Variants in NFAT5 observed in about 807,000 individuals in gnomAD.
The protein encoded by NFAT5 is nuclear factor of activated T-cells 5.
Under a neutral mutation model 166.5 loss-of-function variants are expected in NFAT5, and 31 were observed. The ratio of observed to expected loss-of-function variants is 0.19; its 90% CI spans 0.14 to 0.25. The LOEUF is 0.25. Among genes scored for constraint, NFAT5 ranks in the 10% least tolerant of loss-of-function variants. The pLI, the probability that NFAT5 is intolerant of heterozygous loss-of-function variation, is 1.00. For missense variants in NFAT5, 1,449 were observed against 1,821.8 expected (o/e 0.80, Z 3.72); for synonymous variants, 612 against 639.7 (o/e 0.96, Z 0.65).
At chr16:69,684,143 C>G (rs1331356859) in intron 10 of NFAT5, among the ~76,000 whole-genome samples, 1 of 151,498 alleles carries the variant, frequency 6.6e-6, no homozygotes, top group Non-Finnish European at 1.5e-5. Flanking sequence ...CCTGAAATCC[C>G]AGCTACTCAA....
At position 69,696,340 on chromosome 16, in the gene NFAT5, A is replaced by G. The variant is rs554433515; in HGVS notation, c.*9-20A>G. On this transcript the variant is annotated intron_variant, in intron 14 of 14. Transcript: ENST00000349945. Reference sequence around the variant, plus strand: ...GCTTCCCTCCCTAGTAAGTTAAATTAAACTTTTTCTCTTTTTTAGAAATTC... The same window carrying G: ...GCTTCCCTCCCTAGTAAGTTAAATTGAACTTTTTCTCTTTTTTAGAAATTC... 6.6e-6 allele frequency: 1 copy of G among 152,556 alleles called. No homozygotes were observed. Among genetic ancestry groups the G allele is most frequent in the East Asian group, 1.9e-4 (1 of 5,196 alleles). The allele number at this position is 152,556 out of a possible 1,614,324, so 9.5% of individuals were successfully genotyped here.
chr16:69,654,047 T>C (rs867863179), intron 5 of NFAT5, among the ~76,000 whole-genome samples: 2 of 152,204 alleles, frequency 1.3e-5, no homozygotes, highest in Admixed American at 1.3e-4. Flanking sequence ...GAGGTATCAA[T>C]TGAGTCTTAA....
intron 3 of NFAT5, among the ~76,000 whole-genome samples, chr16:69,638,602 G>C (rs1002675231): frequency 4.6e-5 from 7 of 151,976 alleles, no homozygotes; most frequent in African/African-American, 1.7e-4. Flanking sequence ...CAGAGGTGGT[G>C]GTGGGCGCCT....
intron 9 of NFAT5, 21 bp from the exon 10 acceptor site, chr16:69,677,182 T>G (rs767655302): frequency 6.3e-7 from 1 of 1,594,336 alleles, no homozygotes; most frequent in East Asian, 2.3e-5. Context: ...TTTCCAACTC[T>G]TGTGCTTTTC....
At chr16:69,618,158 C>CAAA (rs549536024) in intron 2 of NFAT5, among the ~76,000 whole-genome samples, 4 of 84,384 alleles carry the variant, frequency 4.7e-5, no homozygotes, top group Non-Finnish European at 5.0e-5. Flanking sequence ...AACTCCATCT[C>CAAA]AAAAAAAAAA....
In NFAT5 at chr16:69,698,011, A is replaced by C. The variant is rs1337843344; in HGVS notation, c.*1660A>C. ...GAATTGTGGTGTTGGTTTTGTTTACACAGCCAGATTTTTCCTTCTTTTTGT... is the reference window on the plus strand; with the variant it reads ...GAATTGTGGTGTTGGTTTTGTTTACCCAGCCAGATTTTTCCTTCTTTTTGT... On this transcript the variant is annotated 3_prime_UTR_variant, in exon 15 of 15. Transcript: ENST00000349945. The C allele has an allele frequency of 6.7e-6, 1 of 148,896 alleles. No homozygotes were observed. Among genetic ancestry groups the C allele is most frequent in the African/African-American group, 2.5e-5 (1 of 40,236 alleles). The allele number at this position is 148,896 out of a possible 1,614,324, so 9.2% of individuals were successfully genotyped here.
At chr16:69,664,742 A>T (rs2036290859) in intron 7 of NFAT5, among the ~76,000 whole-genome samples, 1 of 152,088 alleles carries the variant, frequency 6.6e-6, no homozygotes, top group South Asian at 2.1e-4. Flanking sequence ...CTTATAAATA[A>T]CTTGGTCGGG....
At chr16:69,589,085 C>T (rs1453770008) in intron 2 of NFAT5, among the ~76,000 whole-genome samples, 1 of 146,536 alleles carries the variant, frequency 6.8e-6, no homozygotes, top group African/African-American at 2.5e-5. Flanking sequence ...ACCTCCACGT[C>T]CTGGGTACAA....
chr16:69,666,683 A>C (rs2036395143), intron 7 of NFAT5, among the ~76,000 whole-genome samples: 1 of 152,030 alleles, frequency 6.6e-6, no homozygotes. Flanking sequence ...CAGGTGCTGG[A>C]GAGGATGTGG....
intron 7 of NFAT5, among the ~76,000 whole-genome samples, chr16:69,666,498 C>G (rs1183143570): frequency 6.6e-6 from 1 of 152,010 alleles, no homozygotes; most frequent in Non-Finnish European, 1.5e-5. Flanking sequence ...ACCCCATCAA[C>G]AAGTGGGCGA....
chr16:69,593,595 A>G (rs1012954435), intron 2 of NFAT5, among the ~76,000 whole-genome samples: 4 of 152,032 alleles, frequency 2.6e-5, no homozygotes, highest in Non-Finnish European at 5.9e-5. Flanking sequence ...GATTATAGGC[A>G]GGAGCCACCA....
chr16:69,629,924 C>T (rs891215445), intron 3 of NFAT5, among the ~76,000 whole-genome samples: 1 of 151,116 alleles, frequency 6.6e-6, no homozygotes, highest in African/African-American at 2.4e-5. Flanking sequence ...CATATGCCAC[C>T]ACATGGACCT....
In NFAT5 at chr16:69,637,348, A is replaced by T. The variant is rs149845829; in HGVS notation, c.254-9680A>T. Among the ~76,000 whole-genome samples, 5 of 152,322 alleles carry T rather than the reference A, an allele frequency of 3.3e-5. No individual in the cohort carries two copies. In the East Asian group the frequency reaches 9.6e-4, roughly 29 times the overall value. ...CTGTTCCAAACTCTGCCTGTTACCC[A>T]GTTCCAAAGTCACTTCTACATTTTC... On this transcript the variant is annotated intron_variant, in intron 3 of 14. Transcript: ENST00000349945.
chr16:69,623,917 T>C (rs2034321791), intron 2 of NFAT5, among the ~76,000 whole-genome samples: 1 of 147,552 alleles, frequency 6.8e-6, no homozygotes, highest in South Asian at 2.1e-4. Context: ...AATGCATTTA[T>C]GATTTATGTG....
chr16:69,584,633 A>T (rs74697196), intron 2 of NFAT5, among the ~76,000 whole-genome samples: 1 of 151,374 alleles, frequency 6.6e-6, no homozygotes, highest in Non-Finnish European at 1.5e-5. Context: ...TACAAAAAAT[A>T]AAAAAATTAG....
intron 3 of NFAT5, among the ~76,000 whole-genome samples, chr16:69,634,146 C>T (rs961652142): frequency 5.9e-5 from 9 of 151,376 alleles, no homozygotes; most frequent in Admixed American, 1.3e-4. Context: ...GGTGTGGCGG[C>T]GGGTGCCTGT....
rs1597529192 is a variant in NFAT5, at chr16:69,677,427, A to G, written c.1690+92A>G. 2.8e-6 allele frequency: 3 copies of G among 1,072,330 alleles called. No homozygotes were observed. The South Asian group carries it at 5.6e-5, about 20-fold the overall frequency. The allele number at this position is 1,072,330 out of a possible 1,614,324, so 66.4% of individuals were successfully genotyped here. A position where few individuals can be genotyped will look rare whatever the true frequency, so the allele number is the denominator to read the frequency against. ...AAGATGACTAGCCAACCAAAAAGAA[A>G]GTTGCTCACTAAGATGAATTGATGT... On this transcript the variant is annotated intron_variant, in intron 10 of 14. Transcript: ENST00000349945.
rs1032651076 is a variant in NFAT5, at chr16:69,686,478, G to T, written c.1774+1508G>T. ...GTCGAAGGTGCATTGAGCTGTGATC[G>T]TACCACTGCACTCCAGCATGGGCAA... On this transcript the variant is annotated intron_variant, in intron 11 of 14. Coordinates refer to ENST00000349945, the MANE Select transcript of NFAT5 (RefSeq NM_138713.4). Among the ~76,000 whole-genome samples, 15 of 152,262 alleles carry T rather than the reference G, an allele frequency of 9.9e-5. 2 individuals are homozygous for T. The highest frequency in any genetic ancestry group is 3.9e-4 in the East Asian group (2 of 5,186).
Position 69,702,534 on chromosome 16 carries a change from CAG to C in NFAT5, c.*6186_*6187del, listed in dbSNP as rs2037916302. The C allele has an allele frequency of 6.6e-6, 1 of 152,142 alleles. No homozygotes were observed. The highest frequency in any genetic ancestry group is 2.4e-5 in the African/African-American group (1 of 41,406). The allele number at this position is 152,142 out of a possible 1,614,324, so 9.4% of individuals were successfully genotyped here. On this transcript the variant is annotated 3_prime_UTR_variant, in exon 15 of 15. Coordinates refer to ENST00000349945, the MANE Select transcript of NFAT5 (RefSeq NM_138713.4). ...TGTAGTATGTGCAACCAGTGGTTCTCAGAGTATGGTTCTCAGCCCACCAGCTA... is the reference window on the plus strand; with the variant it reads ...TGTAGTATGTGCAACCAGTGGTTCTCAGTATGGTTCTCAGCCCACCAGCTA...
Sources: allele counts gnomAD v4.1 joint callset (sites outside exome capture counted in the v4.1 genomes callset), GRCh38; gene constraint gnomAD v4.1.1; transcripts MANE v1.5; gene names NCBI Gene and HGNC (gene_info 2026-07-23, HGNC 2026-07-21).